FRMD3: variants seen among roughly 807,000 people sequenced by gnomAD.
The protein encoded by FRMD3 is FERM domain-containing protein 3.
In FRMD3, 33 loss-of-function variants were observed where a neutral mutation model predicts 70.2. That is an observed-to-expected ratio of 0.47 (90% CI 0.36 to 0.63). FRMD3 has a LOEUF of 0.63. Ranked by LOEUF, FRMD3 falls within the 20% of genes least tolerant of loss-of-function variation. FRMD3 has a pLI of 0.00. For missense variants in FRMD3, 632 were observed against 711.4 expected, an observed-to-expected ratio of 0.89 and a Z score of 1.27; for synonymous variants, 279 against 255.9, an observed-to-expected ratio of 1.09 and a Z score of -0.86.
intron 2 of FRMD3, among the ~76,000 whole-genome samples, chr9:83,381,515 C>T (rs1220095547): frequency 6.6e-6 from 1 of 151,184 alleles, no homozygotes; most frequent in East Asian, 1.9e-4. Flanking sequence ...TAGATCCTGC[C>T]ACTGCACTCC....
intron 1 of FRMD3, among the ~76,000 whole-genome samples, chr9:83,483,913 C>A (rs939778294): frequency 1.3e-5 from 2 of 152,060 alleles, no homozygotes; most frequent in African/African-American, 4.8e-5. Flanking sequence ...ATGTTCTGAG[C>A]CTGTACTCTT....
intron 1 of FRMD3, among the ~76,000 whole-genome samples, chr9:83,458,000 CA>C (rs10555580): frequency 0.42 from 37,032 of 87,890 alleles, 4,473 homozygotes; most frequent in Middle Eastern, 0.49. Flanking sequence ...TATTACCTCT[CA>C]AAAAAAAAAA....
At chr9:83,431,932 A>C (rs1361791774) in intron 1 of FRMD3, among the ~76,000 whole-genome samples, 3 of 152,210 alleles carry the variant, frequency 2.0e-5, no homozygotes, top group African/African-American at 7.2e-5. Context: ...GAGAGAGGAC[A>C]CTTAGTTCAA....
At chr9:83,258,269 T>G (rs7035425) in intron 13 of FRMD3, among the ~76,000 whole-genome samples, 83,826 of 152,134 alleles carry the variant, frequency 0.55, 23,461 homozygotes, top group East Asian at 0.84. Context: ...ATAGAGACCT[T>G]TTCAGTGCAC....
At chr9:83,438,774 C>A (rs1162004589) in intron 1 of FRMD3, among the ~76,000 whole-genome samples, 1 of 152,214 alleles carries the variant, frequency 6.6e-6, no homozygotes, top group Admixed American at 6.5e-5. Context: ...GGCCAAACAA[C>A]CTCGCTGGGT....
chr9:83,444,841 T>C (rs1827408940), intron 1 of FRMD3, among the ~76,000 whole-genome samples: 1 of 152,172 alleles, frequency 6.6e-6, no homozygotes, highest in African/African-American at 2.4e-5. Context: ...GGATTTTCTC[T>C]CTCATGGATA....
In FRMD3 at chr9:83,534,418, G is replaced by C. The variant is rs535651107; in HGVS notation, c.147+3667C>G. Among the ~76,000 whole-genome samples, 96 of 152,272 alleles carry C rather than the reference G, an allele frequency of 6.3e-4. 3 individuals are homozygous for C. Among genetic ancestry groups the C allele is most frequent in the South Asian group, 1.2e-3 (6 of 4,830 alleles). ...ACCAAAATTATATGATTTGGAAAAG[G>C]ATTATTTAAAAGCTGTTATTTTGCA... On this transcript the variant is annotated intron_variant, in intron 1 of 13. Transcript: ENST00000304195.
At chr9:83,403,318 A>C (rs747785020) in intron 1 of FRMD3, among the ~76,000 whole-genome samples, 2 of 152,162 alleles carry the variant, frequency 1.3e-5, no homozygotes, top group Non-Finnish European at 2.9e-5. Flanking sequence ...TGCAATAAGA[A>C]ATCATCTTTC....
chr9:83,580,389 A>G, the FRMD3 span, among the ~76,000 whole-genome samples: 1 of 151,942 alleles, frequency 6.6e-6, no homozygotes, highest in Non-Finnish European at 1.5e-5. Flanking sequence ...AGATAAATGA[A>G]TAAAGATAAT....
At chr9:83,568,026 T>A in the FRMD3 span, among the ~76,000 whole-genome samples, 1 of 152,184 alleles carries the variant, frequency 6.6e-6, no homozygotes, top group East Asian at 1.9e-4. Flanking sequence ...GATAAAGACA[T>A]ATCTGAGACT....
the FRMD3 span, among the ~76,000 whole-genome samples, chr9:83,544,233 G>T: frequency 4.0e-5 from 6 of 151,792 alleles, no homozygotes; most frequent in Admixed American, 2.6e-4. Context: ...ATGAGCCCTG[G>T]GACAGAGGCA....
chr9:83,539,161 G>A (rs1160294645), upstream of FRMD3, among the ~76,000 whole-genome samples: 3 of 152,082 alleles, frequency 2.0e-5, no homozygotes, highest in Non-Finnish European at 2.9e-5. Flanking sequence ...TCCAGTTCCC[G>A]GTTGCTCAGG....
At chr9:83,359,837 A>G (rs1361260542) in intron 3 of FRMD3, among the ~76,000 whole-genome samples, 1 of 152,214 alleles carries the variant, frequency 6.6e-6, no homozygotes, top group African/African-American at 2.4e-5. Context: ...CGTAGAGACC[A>G]CAATGAGGAT....
At chr9:83,326,140 A>C (rs550275223) in intron 6 of FRMD3, among the ~76,000 whole-genome samples, 59 of 152,356 alleles carry the variant, frequency 3.9e-4, no homozygotes, top group African/African-American at 1.4e-3. Flanking sequence ...ATTCTAAAAA[A>C]TGAAGGTGTT....
intron 4 of FRMD3, among the ~76,000 whole-genome samples, chr9:83,344,910 C>T (rs369012327): frequency 6.6e-6 from 1 of 151,268 alleles, no homozygotes. Flanking sequence ...ACGTCTCTAG[C>T]GCCCAAGTAA....
At chr9:83,377,061 A>C (rs1825172785) in intron 2 of FRMD3, among the ~76,000 whole-genome samples, 1 of 152,224 alleles carries the variant, frequency 6.6e-6, no homozygotes, top group Non-Finnish European at 1.5e-5. Context: ...GCTTGGATCT[A>C]ACTCTTATTA....
intron 1 of FRMD3, among the ~76,000 whole-genome samples, chr9:83,477,694 G>T (rs926966441): frequency 6.6e-6 from 1 of 152,106 alleles, no homozygotes; most frequent in Non-Finnish European, 1.5e-5. Flanking sequence ...AGAGTATTCT[G>T]TCTTGCTCCA....
chr9:83,576,398 A>T, the FRMD3 span, among the ~76,000 whole-genome samples: 1 of 152,162 alleles, frequency 6.6e-6, no homozygotes, highest in Non-Finnish European at 1.5e-5. Context: ...TCCTTCACCT[A>T]ATAAAAAGTA....
At chr9:83,357,852 GAT>G (rs1307028750) in intron 3 of FRMD3, among the ~76,000 whole-genome samples, 1 of 152,142 alleles carries the variant, frequency 6.6e-6, no homozygotes, top group Admixed American at 6.5e-5. Context: ...AGATTGTGAA[GAT>G]TGTCTCCCAC....
Sources: allele counts gnomAD v4.1 joint callset (sites outside exome capture counted in the v4.1 genomes callset), GRCh38; gene constraint gnomAD v4.1.1; transcripts MANE v1.5; gene names NCBI Gene and HGNC (gene_info 2026-07-23, HGNC 2026-07-21).